GALK1: variants seen among roughly 807,000 people sequenced by gnomAD.
The protein encoded by GALK1 is galactokinase.
Under a neutral mutation model 38.6 loss-of-function variants are expected in GALK1, and 30 were observed. The ratio of observed to expected loss-of-function variants is 0.78; its 90% CI spans 0.58 to 1.05. The LOEUF (loss-of-function observed/expected upper bound fraction) is 1.05, where lower values mean the gene tolerates loss of function less well. GALK1 is among the 50% of genes least tolerant of loss of function. The probability of loss-of-function intolerance (pLI) is 0.00; values close to 1 mark genes in which losing one functional copy is unlikely to be tolerated. For synonymous variants in GALK1, 240 were observed against 233.6 expected (o/e 1.03, Z -0.25); for missense variants, 512 against 540.5 (o/e 0.95, Z 0.52).
Position 75,762,998 on chromosome 17 carries a change from G to A in GALK1, c.611+16C>T, listed in dbSNP as rs2061594151. On this transcript the variant is annotated intron_variant, in intron 4 of 7. Coordinates refer to ENST00000588479, the MANE Select transcript of GALK1 (RefSeq NM_000154.2). ...CTGAGTGCAGGGCGGGAGGGGACGA[G>A]GGGAGCGAGCCCAACCTGCAGTCAA... 6 of 1,612,472 alleles carry A rather than the reference G, an allele frequency of 3.7e-6. No individual in the cohort carries two copies. The East Asian group carries it at 8.9e-5, about 24-fold the overall frequency.
intron 2 of GALK1, 58 bp downstream of exon 2, chr17:75,763,839 G>T: frequency 6.8e-7 from 1 of 1,477,314 alleles, no homozygotes; most frequent in Non-Finnish European, 9.4e-7. Flanking sequence ...GGGCTCTGTG[G>T]CTGTGAGGTG....
In GALK1 at chr17:75,764,710, G is replaced by A. The variant is rs745697336; in HGVS notation, c.165+262C>T. Reference sequence around the variant, plus strand: ...AAGGGGAACATGCTCCCAGGTTGAAGGCGAGGAGCCCCAGCCCCCAGAGGG... The same window carrying A: ...AAGGGGAACATGCTCCCAGGTTGAAAGCGAGGAGCCCCAGCCCCCAGAGGG... On this transcript the variant is annotated intron_variant, in intron 1 of 7. Transcript: ENST00000588479. The A allele has an allele frequency of 6.5e-5, 40 of 612,582 alleles. No individual in the cohort carries two copies. In the South Asian group the frequency reaches 7.1e-4, roughly 11 times the overall value. The allele number at this position is 612,582 out of a possible 1,614,324, so 37.9% of individuals were successfully genotyped here.
Position 75,762,863 on chromosome 17 carries a change from G to T in GALK1, c.634C>A (p.Pro212Thr). ...DCRSLETSLV[P>T]LSDPKLAVLI... ...ACGGCCAGCTTGGGGTCCGAGAGTG[G>T]CACCAGGCTGGTCTCCAAGGACCTG... Residue 212 changes from proline to threonine, a missense_variant, in exon 5 of 8, where the codon CCA becomes ACA. Physicochemically the swap from Pro to Thr is conservative, Grantham distance 38. Transcript: ENST00000588479. 1 of 1,613,494 alleles carries T rather than the reference G, an allele frequency of 6.2e-7. No homozygotes were observed. The highest frequency in any genetic ancestry group is 8.5e-7 in the Non-Finnish European group (1 of 1,179,880).
At position 75,752,263 on chromosome 17, in the gene GALK1, C is replaced by T. The variant is rs1299861287; in HGVS notation, c.*23-526G>A. ...GAACCTTCGGGAGTCCCAGCCCTACCGCTACACGGTGAAGGCGCGCAACGG... is the reference window on the plus strand; with the variant it reads ...GAACCTTCGGGAGTCCCAGCCCTACTGCTACACGGTGAAGGCGCGCAACGG... On this transcript the variant is annotated intron_variant, in intron 8 of 8. Transcript: ENST00000225614. 10 of 1,613,404 alleles carry T rather than the reference C, an allele frequency of 6.2e-6. No homozygotes were observed. Among genetic ancestry groups the T allele is most frequent in the African/African-American group, 4.0e-5 (3 of 74,934 alleles).
Position 75,764,991 on chromosome 17 carries a change from T to C in GALK1, c.146A>G (p.Gln49Arg), listed in dbSNP as rs779337940. The C allele has an allele frequency of 3.1e-6, 5 of 1,610,258 alleles. No homozygotes were observed. Among genetic ancestry groups the C allele is most frequent in the Non-Finnish European group, 4.2e-6 (5 of 1,178,724 alleles). ...NLIGEHTDYNQGLVLPMALEL... is the reference protein window; with the variant it reads ...NLIGEHTDYNRGLVLPMALEL... ...CCTCACCATAGGCAGCACCAGGCCCTGGTTGTAGTCCGTGTGTTCCCCGAT... is the reference window on the plus strand; with the variant it reads ...CCTCACCATAGGCAGCACCAGGCCCCGGTTGTAGTCCGTGTGTTCCCCGAT... The change falls in exon 1 of 8, where the codon CAG (glutamine) becomes CGG (arginine). Residue 49 changes from glutamine to arginine, a missense_variant. Coordinates refer to ENST00000588479, the MANE Select transcript of GALK1 (RefSeq NM_000154.2).
chr17:75,752,662 G>A, intron 8 of GALK1: 2 of 1,547,806 alleles, frequency 1.3e-6, no homozygotes, highest in South Asian at 2.3e-5. Flanking sequence ...GGGCAAAGGG[G>A]CCAGCAACTA....
downstream of GALK1, chr17:75,756,590 C>T: frequency 1.2e-6 from 2 of 1,612,912 alleles, no homozygotes; most frequent in Non-Finnish European, 1.7e-6. Context: ...CCAGGTGCAC[C>T]CGCAGAGCCC....
At chr17:75,757,558 G>T, downstream of GALK1, 1 of 1,613,180 alleles carries the variant, frequency 6.2e-7, no homozygotes, top group Non-Finnish European at 8.5e-7. Flanking sequence ...AAACTTGACC[G>T]CACCCTGCCC....
rs980106956 is a variant in GALK1, at chr17:75,758,566, C to A, written c.827G>T (p.Arg276Leu). Residue 276 changes from arginine (R) to leucine (L), a missense_variant, in exon 6 of 8, where the codon CGG becomes CTG. Physicochemically the swap from Arg to Leu is moderately radical, Grantham distance 102 (BLOSUM62 -2). Transcript: ENST00000588479. ...CTCCCCCACCACGTGCCGGGCCCGCCGGAAGCCCTCTTTGCTCACCAGGTC... is the reference window on the plus strand; with the variant it reads ...CTCCCCCACCACGTGCCGGGCCCGCAGGAAGCCCTCTTTGCTCACCAGGTC... ...ARDLVSKEGF[R>L]RARHVVGEIR... The A allele has an allele frequency of 6.3e-7, 1 of 1,596,876 alleles. No individual in the cohort carries two copies. Among genetic ancestry groups the A allele is most frequent in the Admixed American group, 1.7e-5 (1 of 59,412 alleles).
chr17:75,759,089 G>A (rs1431465929), intron 5 of GALK1, among the ~76,000 whole-genome samples: 1 of 152,142 alleles, frequency 6.6e-6, no homozygotes, highest in Non-Finnish European at 1.5e-5. Flanking sequence ...AGGTTGTTAG[G>A]GTAGGTGGCA....
At chr17:75,764,207 T>A in intron 1 of GALK1, 121 bp from the exon 2 acceptor site, 1 of 988,744 alleles carries the variant, frequency 1.0e-6, no homozygotes, top group Non-Finnish European at 1.6e-6. Flanking sequence ...ACCTCCAGGT[T>A]CAGCGTCGCA....
downstream of GALK1, chr17:75,754,564 C>G (rs2061442210): frequency 1.2e-6 from 2 of 1,613,420 alleles, no homozygotes; most frequent in Non-Finnish European, 8.5e-7. Context: ...GGACCCTGCT[C>G]TCCCCCTGCA....
At chr17:75,755,868 C>A (rs769557830), downstream of GALK1, 2 of 1,598,340 alleles carry the variant, frequency 1.3e-6, no homozygotes, top group African/African-American at 2.7e-5. Flanking sequence ...ATGGTGGCTG[C>A]CAGGCTGCGG....
In GALK1 at chr17:75,758,008, C is replaced by T; in HGVS notation, c.*48G>A. 1 of 1,601,166 alleles carries T rather than the reference C, an allele frequency of 6.2e-7. No homozygotes were observed. Among genetic ancestry groups the T allele is most frequent in the Non-Finnish European group, 8.5e-7 (1 of 1,171,026 alleles). Reference sequence around the variant, plus strand: ...TGGCACCGGGCACAGAGCCGTGGGACTGGCCTGCAGGCCCCGCACCCTCAC... The same window carrying T: ...TGGCACCGGGCACAGAGCCGTGGGATTGGCCTGCAGGCCCCGCACCCTCAC... On this transcript the variant is annotated 3_prime_UTR_variant, in exon 8 of 8. Coordinates refer to ENST00000588479, the MANE Select transcript of GALK1 (RefSeq NM_000154.2).
At chr17:75,757,027 AGTTCAAGGT>A, downstream of GALK1, 1 of 1,612,336 alleles carries the variant, frequency 6.2e-7, no homozygotes, top group Non-Finnish European at 8.5e-7. Flanking sequence ...GTGCCCTACA[AGTTCAAGGT>A]GCAGGCCAGG....
At chr17:75,755,555 C>G (rs1187500244), downstream of GALK1, 1 of 1,008,562 alleles carries the variant, frequency 9.9e-7, no homozygotes, top group African/African-American at 1.6e-5. Context: ...GCAGCCTGGA[C>G]AGGGTGTTGC....
intron 5 of GALK1, among the ~76,000 whole-genome samples, chr17:75,761,040 A>G (rs2061585263): frequency 2.0e-5 from 3 of 151,930 alleles, no homozygotes; most frequent in South Asian, 4.1e-4. Flanking sequence ...CATCTCTACT[A>G]AAAATACAAA....
At chr17:75,755,995 A>G (rs1568386100), downstream of GALK1, 4 of 1,012,978 alleles carry the variant, frequency 3.9e-6, no homozygotes, top group East Asian at 5.2e-5. Context: ...AGGGTCTCCC[A>G]CCCCATTCTC....
In GALK1 at chr17:75,763,136, T is replaced by C; in HGVS notation, c.489A>G (p.Ile163Met). Residue 163 changes from isoleucine to methionine, a missense_variant, in exon 4 of 8, where the codon ATA becomes ATG. Ile to Met is a conservative substitution (Grantham distance 10, BLOSUM62 1). Coordinates refer to ENST00000588479, the MANE Select transcript of GALK1 (RefSeq NM_000154.2). ...LQQLCPDSGTIAARAQVCQQA... is the reference protein window; with the variant it reads ...LQQLCPDSGTMAARAQVCQQA... ...GCTGACACACCTGGGCGCGGGCAGC[T>C]ATTGTGCCCGAGTCTGCAGTACAGG... 1 of 1,611,776 alleles carries C rather than the reference T, an allele frequency of 6.2e-7. No homozygotes were observed.
Sources: gnomAD v4.1 joint callset for allele counts (sites outside exome capture counted in the v4.1 genomes callset) on GRCh38, gnomAD v4.1.1 for gene constraint, MANE v1.5 for transcripts, NCBI Gene and HGNC (gene_info 2026-07-23, HGNC 2026-07-21) for gene names.